MYPN: variants seen among roughly 807,000 people sequenced by gnomAD.
MYPN encodes the protein myopalladin.
MYPN carries 63 observed loss-of-function variants against 129.4 expected under a neutral mutation model. That is an observed-to-expected ratio of 0.49 (90% CI 0.40 to 0.60). The LOEUF is 0.60. Among genes scored for constraint, MYPN ranks in the 20% least tolerant of loss-of-function variants. MYPN has a pLI of 0.00. For missense variants in MYPN, 1,596 were observed against 1,635.4 expected, an observed-to-expected ratio of 0.98 and a Z score of 0.42; for synonymous variants, 629 against 600.9, an observed-to-expected ratio of 1.05 and a Z score of -0.68.
chr10:68,103,530 T>A (rs1564638102), upstream of MYPN, among the ~76,000 whole-genome samples: 1 of 152,198 alleles, frequency 6.6e-6, no homozygotes, highest in Non-Finnish European at 1.5e-5. Flanking sequence ...TGCCCATCAA[T>A]ACATATGAAA....
At chr10:68,209,842 A>G (rs1035002955) in intron 19 of MYPN, among the ~76,000 whole-genome samples, 2 of 151,838 alleles carry the variant, frequency 1.3e-5, no homozygotes, top group Non-Finnish European at 2.9e-5. Flanking sequence ...TTACAGGTGT[A>G]TGCCACCATG....
chr10:68,163,603 C>T (rs1247020674), intron 8 of MYPN, among the ~76,000 whole-genome samples: 6 of 151,820 alleles, frequency 4.0e-5, no homozygotes, highest in South Asian at 4.2e-4. Context: ...CACTCCAGCC[C>T]GGGTGACAGA....
chr10:68,194,383 G>C lies in MYPN; in HGVS notation c.2946G>C (p.Gly982=), dbSNP rs2043568224. ...PVPKVYWFKD[G]KQISKRNEHC... ...TTCAGGTTTACTGGTTCAAAGATGG[G>C]AAGCAGATTTCTAAGAGAAATGAGC... The change falls in exon 14 of 20, where the codon GGG becomes GGC. Residue 982 remains glycine, a synonymous_variant. Transcript: ENST00000358913. The C allele has an allele frequency of 1.3e-5, 21 of 1,613,604 alleles. No individual in the cohort carries two copies. The highest frequency in any genetic ancestry group is 1.8e-5 in the Non-Finnish European group (21 of 1,179,732).
chr10:68,159,385 C>T (rs1431626184), intron 7 of MYPN, among the ~76,000 whole-genome samples: 2 of 152,208 alleles, frequency 1.3e-5, no homozygotes, highest in Admixed American at 6.5e-5. Flanking sequence ...TAAAAATCTT[C>T]ACTAATTTTA....
rs924163100 is a variant in MYPN, at chr10:68,098,758, G to A, written c.-2+10766G>A. 5.9e-5 allele frequency among the ~76,000 whole-genome samples: 9 copies of A among 151,918 alleles called. 1 individual carries two copies. Among genetic ancestry groups the A allele is most frequent in the Admixed American group, 2.0e-4 (3 of 15,236 alleles). On this transcript the variant is annotated intron_variant, in intron 1 of 6. Transcript: ENST00000685154. Reference sequence around the variant, plus strand: ...CTCAGGAGGCTGAGGCAGGAGAATCGCTTGAACCCAGGAGGCAGAGGTTGC... The same window carrying A: ...CTCAGGAGGCTGAGGCAGGAGAATCACTTGAACCCAGGAGGCAGAGGTTGC...
At chr10:68,149,986 A>G in intron 5 of MYPN, 54 bp from the exon 6 acceptor site, 1 of 1,482,238 alleles carries the variant, frequency 6.7e-7, no homozygotes. Flanking sequence ...ATGTCTCACT[A>G]TCCATCTAAT....
chr10:68,098,991 CT>C (rs1192097728), intron 1 of MYPN, among the ~76,000 whole-genome samples: 2 of 152,172 alleles, frequency 1.3e-5, no homozygotes, highest in Non-Finnish European at 2.9e-5. Flanking sequence ...ATAAATTAAT[CT>C]GGTTCTCACA....
chr10:68,105,099 C>A (rs1458468672), upstream of MYPN, among the ~76,000 whole-genome samples: 2 of 152,014 alleles, frequency 1.3e-5, no homozygotes, highest in African/African-American at 2.4e-5. Flanking sequence ...GTTTTCTATT[C>A]ATTTTTACCT....
At chr10:68,173,138 G>A (rs2043167663) in intron 10 of MYPN, among the ~76,000 whole-genome samples, 1 of 152,158 alleles carries the variant, frequency 6.6e-6, no homozygotes, top group African/African-American at 2.4e-5. Context: ...GGACCTTCCT[G>A]AATGTATGGG....
chr10:68,209,783 C>T, intron 19 of MYPN, among the ~76,000 whole-genome samples: 1 of 151,458 alleles, frequency 6.6e-6, no homozygotes, highest in Non-Finnish European at 1.5e-5. Context: ...CAACCTCTGC[C>T]TCCTGGGTTC....
intron 16 of MYPN, 108 bp from the exon 17 acceptor site, chr10:68,199,260 T>C (rs1310156062): frequency 1.5e-5 from 16 of 1,080,788 alleles, no homozygotes; most frequent in Non-Finnish European, 2.2e-5. Flanking sequence ...CATCACTCCA[T>C]GTTTTCTCTC....
intron 7 of MYPN, among the ~76,000 whole-genome samples, chr10:68,160,441 A>AAC (rs1554844460): frequency 5.0e-5 from 7 of 139,624 alleles, no homozygotes; most frequent in Admixed American, 1.4e-4. Context: ...AAAAAAAAAA[A>AAC]AAAAAAAAAA....
chr10:68,177,347 T>G (rs2043242827), intron 12 of MYPN, among the ~76,000 whole-genome samples: 1 of 152,216 alleles, frequency 6.6e-6, no homozygotes, highest in Non-Finnish European at 1.5e-5. Context: ...CTCCTGAGAA[T>G]TATTATTCTG....
upstream of MYPN, among the ~76,000 whole-genome samples, chr10:68,107,593 C>T (rs1011467070): frequency 1.3e-5 from 2 of 151,866 alleles, no homozygotes; most frequent in Non-Finnish European, 2.9e-5. Context: ...TCAGGCGATC[C>T]GCCTGCCTCA....
Position 68,114,982 on chromosome 10 carries a change from G to A in MYPN, c.-2+5259G>A, listed in dbSNP as rs540511967. ...ACAAACTCAAATATCACTGTGACGG[G>A]GCATGGTGGCTCACGCCTGTAATCC... is the stretch of plus-strand genomic sequence containing the variant. On this transcript the variant is annotated intron_variant, in intron 1 of 19. Coordinates refer to ENST00000358913, the MANE Select transcript of MYPN (RefSeq NM_032578.4). 9.2e-5 allele frequency among the ~76,000 whole-genome samples: 14 copies of A among 152,254 alleles called. No individual in the cohort carries two copies. In the South Asian group the frequency reaches 2.3e-3, roughly 25 times the overall value.
intron 13 of MYPN, among the ~76,000 whole-genome samples, chr10:68,190,191 T>TTGTG (rs3084753): frequency 6.6e-6 from 1 of 151,786 alleles, no homozygotes; most frequent in South Asian, 2.1e-4. Context: ...CAGGTCTTTT[T>TTGTG]TGTGTGTGTG....
chr10:68,103,241 T>C (rs1462494206), upstream of MYPN, among the ~76,000 whole-genome samples: 1 of 152,208 alleles, frequency 6.6e-6, no homozygotes, highest in African/African-American at 2.4e-5. Context: ...TTTTCCATGG[T>C]CTGTGTTCTC....
chr10:68,199,786 C>G (rs1048637637), intron 17 of MYPN, among the ~76,000 whole-genome samples: 1 of 152,162 alleles, frequency 6.6e-6, no homozygotes, highest in African/African-American at 2.4e-5. Flanking sequence ...GCATAATACC[C>G]ATTAAATAAA....
At chr10:68,198,578 T>C (rs1476919576) in intron 16 of MYPN, among the ~76,000 whole-genome samples, 2 of 152,136 alleles carry the variant, frequency 1.3e-5, no homozygotes, top group Non-Finnish European at 2.9e-5. Flanking sequence ...TTCGGATTGA[T>C]TGCTACATCC....
Sources: gnomAD v4.1 joint callset for allele counts (sites outside exome capture counted in the v4.1 genomes callset) on GRCh38, gnomAD v4.1.1 for gene constraint, MANE v1.5 for transcripts, NCBI Gene and HGNC (gene_info 2026-07-23, HGNC 2026-07-21) for gene names.